Variants in PRDM2 observed in about 807,000 individuals in gnomAD.
PRDM2 encodes the protein PR/SET domain 2.
In PRDM2, 30 loss-of-function variants were observed where a neutral mutation model predicts 130.0. That is an observed-to-expected ratio of 0.23 (90% CI 0.17 to 0.31). The LOEUF (loss-of-function observed/expected upper bound fraction) is 0.31, where lower values mean the gene tolerates loss of function less well. Among genes scored for constraint, PRDM2 ranks in the 10% least tolerant of loss-of-function variants. The pLI is 1.00. For missense variants in PRDM2, 2,011 were observed against 2,108.4 expected (o/e 0.95, Z 0.90); for synonymous variants, 871 against 782.4 (o/e 1.11, Z -1.89).
chr1:13,763,082 C>T (rs905996662), intron 6 of PRDM2, among the ~76,000 whole-genome samples: 9 of 152,102 alleles, frequency 5.9e-5, no homozygotes, highest in Admixed American at 5.9e-4. Flanking sequence ...ATTCAAATGC[C>T]GTTGCTTAGT....
chr1:13,798,048 G>A (rs979210483), intron 8 of PRDM2, among the ~76,000 whole-genome samples: 4 of 152,084 alleles, frequency 2.6e-5, no homozygotes, highest in African/African-American at 9.7e-5. Context: ...TGAGTCAGGG[G>A]CAGCTCAGGA....
chr1:13,801,979 A>T (rs1427105066), intron 8 of PRDM2, among the ~76,000 whole-genome samples: 1 of 152,216 alleles, frequency 6.6e-6, no homozygotes, highest in Non-Finnish European at 1.5e-5. Flanking sequence ...GATCAGAGTC[A>T]TCTGACACCT....
intron 6 of PRDM2, among the ~76,000 whole-genome samples, chr1:13,763,891 A>G (rs1644162454): frequency 6.6e-6 from 1 of 152,188 alleles, no homozygotes; most frequent in African/African-American, 2.4e-5. Context: ...CTCTGTGGAT[A>G]TATCGTAGCC....
In PRDM2 at chr1:13,780,600, C is replaced by T; in HGVS notation, c.2805C>T (p.Ala935=). ...PDLGPGSGFP[A]PTVESTPDVC... is the part of the protein sequence containing the mutation. Reference sequence around the variant, plus strand: ...TCGGTCCGGGCTCTGGTTTCCCTGCCCCTACTGTTGAGTCCACACCTGATG... The same window carrying T: ...TCGGTCCGGGCTCTGGTTTCCCTGCTCCTACTGTTGAGTCCACACCTGATG... Residue 935 remains alanine, a synonymous_variant, in exon 8 of 10, where the codon GCC becomes GCT. Transcript: ENST00000311066. The T allele has an allele frequency of 1.9e-6, 3 of 1,614,074 alleles. No individual in the cohort carries two copies. The highest frequency in any genetic ancestry group is 2.5e-6 in the Non-Finnish European group (3 of 1,179,996).
chr1:13,807,708 G>C (rs1468671684), intron 8 of PRDM2, among the ~76,000 whole-genome samples: 1 of 152,184 alleles, frequency 6.6e-6, no homozygotes, highest in East Asian at 1.9e-4. Flanking sequence ...AAGAATGAAT[G>C]CATCCTTGAG....
At chr1:13,711,125 T>A (rs996010898) in intron 1 of PRDM2, among the ~76,000 whole-genome samples, 5 of 151,644 alleles carry the variant, frequency 3.3e-5, no homozygotes, top group African/African-American at 1.2e-4. Flanking sequence ...ATTGCTAAGG[T>A]TTCAGTGATA....
intron 8 of PRDM2, among the ~76,000 whole-genome samples, chr1:13,790,462 G>A (rs554705548): frequency 2.6e-5 from 4 of 152,228 alleles, no homozygotes; most frequent in Admixed American, 2.6e-4. Context: ...AAGGAACCAC[G>A]GGCCTAATGT....
intron 8 of PRDM2, chr1:13,783,081 TTAAAAC>T: frequency 1.1e-6 from 1 of 869,630 alleles, no homozygotes; most frequent in Non-Finnish European, 1.7e-6. Flanking sequence ...TAAATTGAAT[TTAAAAC>T]TATAGAAAAG....
In PRDM2 at chr1:13,783,695, C is replaced by T. The variant is rs569628320; in HGVS notation, c.5036+864C>T. The stretch of plus-strand genomic sequence containing the variant: ...TTTGTTACATTGGATTCTCAAACTT[C>T]CTGAGTCCTTTGTCCGAAGTGGATG... On this transcript the variant is annotated intron_variant, in intron 8 of 9. Transcript: ENST00000311066. Among the ~76,000 whole-genome samples, 177 of 152,312 alleles carry T rather than the reference C, an allele frequency of 1.2e-3. 3 individuals carry two copies. In the South Asian group the frequency reaches 0.036, roughly 31 times the overall value.
intron 4 of PRDM2, among the ~76,000 whole-genome samples, chr1:13,736,368 C>G (rs190522995): frequency 1.3e-5 from 2 of 152,188 alleles, no homozygotes; most frequent in African/African-American, 4.8e-5. Flanking sequence ...GCGATCTGCC[C>G]GTCTCAGCCT....
At chr1:13,767,924 C>T (rs1165680034) in intron 6 of PRDM2, among the ~76,000 whole-genome samples, 1 of 151,984 alleles carries the variant, frequency 6.6e-6, no homozygotes, top group Non-Finnish European at 1.5e-5. Context: ...TGCAGTGAAT[C>T]GAGATCATGC....
intron 2 of PRDM2, among the ~76,000 whole-genome samples, chr1:13,727,687 C>T (rs917368984): frequency 6.6e-6 from 1 of 152,138 alleles, no homozygotes; most frequent in African/African-American, 2.4e-5. Flanking sequence ...AGAGTGATGC[C>T]GTGTTGAGGC....
intron 6 of PRDM2, among the ~76,000 whole-genome samples, chr1:13,768,139 G>A (rs1271988822): frequency 2.0e-5 from 3 of 146,814 alleles, no homozygotes; most frequent in Non-Finnish European, 3.0e-5. Context: ...GTCCGGTGGC[G>A]TGATCTCGGC....
At chr1:13,737,641 A>G (rs751321258) in intron 4 of PRDM2, among the ~76,000 whole-genome samples, 4 of 152,222 alleles carry the variant, frequency 2.6e-5, no homozygotes, top group African/African-American at 9.6e-5. Context: ...ATTGGTTGTC[A>G]TAGAAACAGA....
chr1:13,705,913 C>T (rs181956703), intron 1 of PRDM2, among the ~76,000 whole-genome samples: 2,208 of 136,248 alleles, frequency 0.016, 26 homozygotes, highest in South Asian at 0.039. Flanking sequence ...ACCTGGGAGG[C>T]GGAGGTTGCA....
At chr1:13,792,764 C>G (rs533145379) in intron 8 of PRDM2, among the ~76,000 whole-genome samples, 1 of 152,286 alleles carries the variant, frequency 6.6e-6, no homozygotes, top group South Asian at 2.1e-4. Context: ...GTTGAGGATG[C>G]GCCTGGAGTG....
intron 2 of PRDM2, among the ~76,000 whole-genome samples, chr1:13,716,065 A>G (rs1423262374): frequency 6.6e-6 from 1 of 152,204 alleles, no homozygotes; most frequent in Admixed American, 6.5e-5. Context: ...TCCAACAATG[A>G]TAGAACTGGA....
At chr1:13,702,532 C>T (rs570028530) in intron 1 of PRDM2, among the ~76,000 whole-genome samples, 8 of 152,168 alleles carry the variant, frequency 5.3e-5, no homozygotes, top group Non-Finnish European at 8.8e-5. Context: ...AGAAGTAACA[C>T]TCAATTTCAG....
chr1:13,823,291 G>T lies in PRDM2; in HGVS notation c.*156G>T, dbSNP rs920433920. The T allele has an allele frequency of 2.3e-6, 3 of 1,317,254 alleles. No individual in the cohort carries two copies. The highest frequency in any genetic ancestry group is 3.2e-6 in the Non-Finnish European group (3 of 925,800). The allele number at this position is 1,317,254 out of a possible 1,614,324, so 81.6% of individuals were successfully genotyped here. On this transcript the variant is annotated 3_prime_UTR_variant, in exon 10 of 10. Coordinates refer to ENST00000311066, the MANE Select transcript of PRDM2 (RefSeq NM_001393986.1). ...TGTGCGCGCGTGCATGTGTGCGTGC[G>T]TGTGTGTTCACGTGTTCTCGTGCGG...
Sources: allele counts gnomAD v4.1 joint callset (sites outside exome capture counted in the v4.1 genomes callset), GRCh38; gene constraint gnomAD v4.1.1; transcripts MANE v1.5; gene names NCBI Gene and HGNC (gene_info 2026-07-23, HGNC 2026-07-21).